Variants in PTCHD4 observed in about 807,000 individuals in gnomAD.
PTCHD4 encodes patched domain containing 4.
PTCHD4 carries 33 observed loss-of-function variants against 58.1 expected under a neutral mutation model. That is an observed-to-expected ratio of 0.57 (90% CI 0.43 to 0.76). PTCHD4 has a LOEUF of 0.76. Ranked by LOEUF, PTCHD4 falls within the 30% of genes least tolerant of loss-of-function variation. The pLI, the probability that PTCHD4 is intolerant of heterozygous loss-of-function variation, is 0.00. For missense variants in PTCHD4, 1,058 were observed against 1,027.1 expected (o/e 1.03, Z -0.41); for synonymous variants, 478 against 409.6 (o/e 1.17, Z -2.02).
chr6:48,096,947 T>A (rs573603490), intron 1 of PTCHD4, among the ~76,000 whole-genome samples: 7 of 152,302 alleles, frequency 4.6e-5, no homozygotes, highest in Admixed American at 6.5e-5. Context: ...AATATTGATA[T>A]AGGAATAAAA....
intron 4 of PTCHD4, among the ~76,000 whole-genome samples, chr6:47,949,402 T>C (rs1766545824): frequency 6.6e-6 from 1 of 152,190 alleles, no homozygotes; most frequent in South Asian, 2.1e-4. Flanking sequence ...GATTAGTGTC[T>C]GCAGTATATC....
chr6:47,907,268 T>G (rs997982628), intron 4 of PTCHD4, among the ~76,000 whole-genome samples: 1 of 152,154 alleles, frequency 6.6e-6, no homozygotes, highest in African/African-American at 2.4e-5. Flanking sequence ...TTGGTATTAT[T>G]TTACATTAGT....
intron 3 of PTCHD4, among the ~76,000 whole-genome samples, chr6:48,037,756 G>T (rs1763691862): frequency 6.6e-6 from 1 of 151,984 alleles, no homozygotes; most frequent in Non-Finnish European, 1.5e-5. Context: ...AGAAAATGAG[G>T]TGGCACACAG....
At chr6:48,023,437 G>A (rs117501514) in intron 3 of PTCHD4, among the ~76,000 whole-genome samples, 1 of 152,278 alleles carries the variant, frequency 6.6e-6, no homozygotes, top group East Asian at 1.9e-4. Flanking sequence ...TCACTTGTGA[G>A]TCTGGTAGTC....
chr6:48,071,800 A>G (rs888092535), intron 1 of PTCHD4, among the ~76,000 whole-genome samples: 1 of 152,114 alleles, frequency 6.6e-6, no homozygotes, highest in Non-Finnish European at 1.5e-5. Context: ...CCTTTAGGCT[A>G]TGACAGTTTC....
At chr6:47,906,472 C>A (rs7767995) in intron 4 of PTCHD4, among the ~76,000 whole-genome samples, 2 of 151,906 alleles carry the variant, frequency 1.3e-5, no homozygotes, top group African/African-American at 4.8e-5. Flanking sequence ...TGTTAGGCCA[C>A]GAGCCATATA....
intron 4 of PTCHD4, among the ~76,000 whole-genome samples, chr6:47,904,353 C>T (rs1253878081): frequency 6.6e-6 from 1 of 152,198 alleles, no homozygotes; most frequent in East Asian, 1.9e-4. Context: ...GGGCCTAAAC[C>T]AGTCTGCGGC....
At chr6:47,931,888 T>C (rs529616964) in intron 4 of PTCHD4, among the ~76,000 whole-genome samples, 10 of 152,242 alleles carry the variant, frequency 6.6e-5, no homozygotes, top group African/African-American at 2.4e-4. Context: ...ACCAGAATTA[T>C]AGTCATTTTA....
rs755404982 is a variant in PTCHD4, at chr6:47,878,731, A to G, written c.2104T>C (p.Leu702=). 4 of 1,613,520 alleles carry G rather than the reference A, an allele frequency of 2.5e-6. No homozygotes were observed. Among genetic ancestry groups the G allele is most frequent in the Middle Eastern group, 3.3e-4 (2 of 6,078 alleles). Residue 702 remains leucine, a synonymous_variant, in exon 5 of 5, where the codon TTA becomes CTA. Coordinates refer to ENST00000339488, the MANE Select transcript of PTCHD4 (RefSeq NM_001384253.1). ...ATGCAATCCATGTCGACGTTCCATAATGTCATTAAGCCCAGAACGCCCAGC... is the reference window on the plus strand; with the variant it reads ...ATGCAATCCATGTCGACGTTCCATAGTGTCATTAAGCCCAGAACGCCCAGC... The part of the protein sequence containing the change: ...IELGVLGLMT[L]WNVDMDCISI...
intron 4 of PTCHD4, among the ~76,000 whole-genome samples, chr6:47,898,824 G>C (rs1764606844): frequency 6.6e-6 from 1 of 152,130 alleles, no homozygotes; most frequent in African/African-American, 2.4e-5. Context: ...GAGAGAGAAG[G>C]GGAAAGAAGA....
At chr6:48,032,626 G>C (rs1252351234) in intron 3 of PTCHD4, among the ~76,000 whole-genome samples, 2 of 151,994 alleles carry the variant, frequency 1.3e-5, no homozygotes, top group Non-Finnish European at 2.9e-5. Flanking sequence ...ACATTTTCTG[G>C]TTATAATAAA....
intron 4 of PTCHD4, among the ~76,000 whole-genome samples, chr6:47,942,284 G>A (rs112057002): frequency 0.026 from 3,960 of 152,150 alleles, 93 homozygotes; most frequent in South Asian, 0.054. Context: ...ATAAGCTTAT[G>A]GTCTCAGAAT....
At chr6:48,103,508 A>G (rs1765652677) in intron 1 of PTCHD4, among the ~76,000 whole-genome samples, 2 of 152,178 alleles carry the variant, frequency 1.3e-5, no homozygotes, top group South Asian at 4.1e-4. Context: ...GGGAAAAAAC[A>G]GCAGAAAAAC....
chr6:47,875,496 T>A lies in PTCHD4; in HGVS notation c.*2807A>T, dbSNP rs1254550436. 6.6e-6 allele frequency among the ~76,000 whole-genome samples: 1 copy of A among 151,828 alleles called. No individual in the cohort carries two copies. The highest frequency in any genetic ancestry group is 1.5e-5 in the Non-Finnish European group (1 of 67,872). On this transcript the variant is annotated 3_prime_UTR_variant, in exon 5 of 5. Coordinates refer to ENST00000339488, the MANE Select transcript of PTCHD4 (RefSeq NM_001384253.1). ...TAGGACTGCATTAAGACACTTTAGG[T>A]GGTATATTAACTCTTCCAGAACAAA...
intron 4 of PTCHD4, among the ~76,000 whole-genome samples, chr6:47,960,005 G>A (rs116022482): frequency 0.017 from 2,631 of 152,046 alleles, 39 homozygotes; most frequent in South Asian, 0.054. Context: ...TATTAACAAT[G>A]TAGTATATGG....
At chr6:48,104,867 A>G (rs1765685980) in intron 1 of PTCHD4, among the ~76,000 whole-genome samples, 1 of 152,206 alleles carries the variant, frequency 6.6e-6, no homozygotes, top group African/African-American at 2.4e-5. Context: ...GCCATTACAT[A>G]ATGGTAAAGG....
At chr6:47,905,359 TAGAG>T (rs1301408124) in intron 4 of PTCHD4, among the ~76,000 whole-genome samples, 1 of 152,134 alleles carries the variant, frequency 6.6e-6, no homozygotes, top group African/African-American at 2.4e-5. Context: ...AGTGGCTTAG[TAGAG>T]AGATGATGAT....
intron 3 of PTCHD4, among the ~76,000 whole-genome samples, chr6:48,046,175 C>T (rs554423042): frequency 1.3e-5 from 2 of 151,800 alleles, no homozygotes; most frequent in Non-Finnish European, 2.9e-5. Flanking sequence ...TTTACTTTAG[C>T]TAATTTTTAA....
intron 1 of PTCHD4, among the ~76,000 whole-genome samples, chr6:48,100,472 G>T (rs9296588): frequency 2.6e-5 from 4 of 152,096 alleles, no homozygotes; most frequent in African/African-American, 9.6e-5. Context: ...CTGTTCTAAC[G>T]TGATCAAAAC....
Sources: gnomAD v4.1 joint callset for allele counts (sites outside exome capture counted in the v4.1 genomes callset) on GRCh38, gnomAD v4.1.1 for gene constraint, MANE v1.5 for transcripts, NCBI Gene and HGNC (gene_info 2026-07-23, HGNC 2026-07-21) for gene names.